OSBPL3: variants seen among roughly 807,000 people sequenced by gnomAD.
The protein encoded by OSBPL3 is oxysterol binding protein like 3.
Under a neutral mutation model 120.1 loss-of-function variants are expected in OSBPL3, and 65 were observed. The ratio of observed to expected loss-of-function variants is 0.54; its 90% confidence interval spans 0.44 to 0.67. OSBPL3 has a LOEUF of 0.67. OSBPL3 is among the 30% of genes least tolerant of loss of function. The pLI is 0.00. For synonymous variants in OSBPL3, 416 were observed against 402.6 expected (o/e 1.03, Z -0.40); for missense variants, 1,004 against 1,082.1 (o/e 0.93, Z 1.01).
rs1455190610 is a variant in OSBPL3 at position 24,862,679 on chromosome 7, G to A, written c.870+521C>T. ...TGGCCTGTGGCTTAGCTGTGCATTG[G>A]GAAAGCTCCTAGCATGACACAGTGA... On this transcript the variant is annotated intron_variant, in intron 9 of 22. Coordinates refer to ENST00000313367, the MANE Select transcript of OSBPL3 (RefSeq NM_015550.4). The surrounding 1 kb of genome is among the most constrained non-coding windows in gnomAD (Gnocchi z 4.4). Among the ~76,000 whole-genome samples, 2 of 152,126 alleles carry A rather than the reference G, an allele frequency of 1.3e-5. No individual in the cohort carries two copies. The highest frequency in any genetic ancestry group is 1.3e-4 in the Admixed American group (2 of 15,284).
intron 1 of OSBPL3, among the ~76,000 whole-genome samples, chr7:24,911,987 C>G (rs948692477): frequency 1.3e-5 from 2 of 152,192 alleles, no homozygotes; most frequent in Non-Finnish European, 2.9e-5. Context: ...TTATTTTATT[C>G]TCTCCAGTAG....
intron 16 of OSBPL3, among the ~76,000 whole-genome samples, chr7:24,823,727 T>C (rs1246586819): frequency 6.6e-6 from 1 of 152,270 alleles, no homozygotes; most frequent in Non-Finnish European, 1.5e-5. Flanking sequence ...CTGCTGTTAA[T>C]GTCTTCTTCG....
intron 1 of OSBPL3, among the ~76,000 whole-genome samples, chr7:24,976,207 T>C (rs1482022709): frequency 6.6e-6 from 1 of 152,310 alleles, no homozygotes; most frequent in East Asian, 1.9e-4. Flanking sequence ...GAGGATTAAA[T>C]GCAATAATGC....
chr7:24,946,317 CAT>C lies in OSBPL3; in HGVS notation c.-150+33567_-150+33568del, dbSNP rs1813725215. ...TACAACCTAGACTACTAAGTTGTCA[CAT>C]AGCGTTATTTTTGCCGTACTTTTAT... On this transcript the variant is annotated intron_variant, in intron 1 of 22. Transcript: ENST00000313367. The surrounding 1 kb of genome is among the most constrained non-coding windows in gnomAD (Gnocchi z 4.3). 6.6e-6 allele frequency among the ~76,000 whole-genome samples: 1 copy of C among 152,176 alleles called. No homozygotes were observed. The highest frequency in any genetic ancestry group is 1.5e-5 in the Non-Finnish European group (1 of 68,030).
chr7:24,834,480 C>A lies in OSBPL3; in HGVS notation c.1746+6G>T, dbSNP rs1259373434. ...GGACAGTGGCAAGGGAAGGCTGACTCCTCACCATCCTTTCCAGGGGGCTGG... is the reference window on the plus strand; with the variant it reads ...GGACAGTGGCAAGGGAAGGCTGACTACTCACCATCCTTTCCAGGGGGCTGG... On this transcript the variant is annotated splice_donor_region_variant and intron_variant, in intron 15 of 22. Coordinates refer to ENST00000313367, the MANE Select transcript of OSBPL3 (RefSeq NM_015550.4). The surrounding 1 kb of genome is among the most constrained non-coding windows in gnomAD (Gnocchi z 5.2). The A allele has an allele frequency of 1.9e-6, 3 of 1,605,534 alleles. No homozygotes were observed. The highest frequency in any genetic ancestry group is 2.6e-6 in the Non-Finnish European group (3 of 1,175,142).
chr7:24,974,364 G>C lies in OSBPL3; in HGVS notation c.-150+5522C>G, dbSNP rs77762309. ...AACAGTTCGTTTGTTCAAATCAGTA[G>C]GTAAACCATCAACTATGAGGACCTC... is the stretch of plus-strand genomic sequence containing the variant. On this transcript the variant is annotated intron_variant, in intron 1 of 22. Transcript: ENST00000313367. 1.1e-3 allele frequency among the ~76,000 whole-genome samples: 160 copies of C among 152,274 alleles called. 3 individuals are homozygous for C. In the East Asian group the frequency reaches 0.028, roughly 27 times the overall value.
intron 1 of OSBPL3, among the ~76,000 whole-genome samples, chr7:24,954,691 G>T (rs1198464118): frequency 1.3e-5 from 2 of 152,124 alleles, no homozygotes; most frequent in Non-Finnish European, 2.9e-5. Flanking sequence ...ACGTTGAAAA[G>T]AATTAAAGAT....
chr7:24,915,638 A>G (rs1486852736), intron 1 of OSBPL3, among the ~76,000 whole-genome samples: 4 of 151,668 alleles, frequency 2.6e-5, no homozygotes, highest in African/African-American at 4.8e-5. Flanking sequence ...CAGTGGTACA[A>G]TCTTGGCTCA....
At position 24,811,097 on chromosome 7, in the gene OSBPL3, A is replaced by G. The variant is rs143895282; in HGVS notation, c.2173-1146T>C. 1.7e-3 allele frequency among the ~76,000 whole-genome samples: 262 copies of G among 152,252 alleles called. 6 individuals carry two copies. In the East Asian group the frequency reaches 0.039, roughly 23 times the overall value. Reference sequence around the variant, plus strand: ...ATTCCATTTCTAATTGTTTTTAGGAACTTCCATTCTGTTTTCCATAATAGC... The same window carrying G: ...ATTCCATTTCTAATTGTTTTTAGGAGCTTCCATTCTGTTTTCCATAATAGC... On this transcript the variant is annotated intron_variant, in intron 19 of 22. Coordinates refer to ENST00000313367, the MANE Select transcript of OSBPL3 (RefSeq NM_015550.4).
Position 24,865,429 on chromosome 7 carries a change from C to T in OSBPL3, c.586G>A (p.Gly196Arg), listed in dbSNP as rs1321541320. The change falls in exon 7 of 23, where the codon GGA becomes AGA. Residue 196 changes from glycine (G) to arginine (R), a missense_variant. Transcript: ENST00000313367. ...SISKQNLFQT[G>R]SNVSFSCGGE... The stretch of plus-strand genomic sequence containing the variant: ...CCACAAGAAAATGATACATTGCTTC[C>T]AGTTTGAAATAAATTCTGCTTTGAT... 6.2e-7 allele frequency: 1 copy of T among 1,613,492 alleles called. No individual in the cohort carries two copies. Among genetic ancestry groups the T allele is most frequent in the Admixed American group, 1.7e-5 (1 of 60,024 alleles).
In OSBPL3 at chr7:24,872,295, T is replaced by C. The variant is rs561969085; in HGVS notation, c.97-226A>G. On this transcript the variant is annotated intron_variant, in intron 2 of 22. Coordinates refer to ENST00000313367, the MANE Select transcript of OSBPL3 (RefSeq NM_015550.4). This position sits in a 1 kb window ranked among gnomAD's most constrained non-coding sequence, Gnocchi z 4.1. ...GGTTTTTTTAAAGCTCTTTTTTTTT[T>C]AGAAGGGAATGTTTCTTTCGGTGTT... Among the ~76,000 whole-genome samples, 7 of 152,122 alleles carry C rather than the reference T, an allele frequency of 4.6e-5. No individual in the cohort carries two copies. In the East Asian group the frequency reaches 1.2e-3, roughly 25 times the overall value.
chr7:24,927,829 T>C (rs79269711), intron 1 of OSBPL3, among the ~76,000 whole-genome samples: 5,397 of 152,260 alleles, frequency 0.035, 125 homozygotes, highest in Non-Finnish European at 0.055. Flanking sequence ...TATCTCTTTT[T>C]GTAAAGAAAA....
intron 1 of OSBPL3, among the ~76,000 whole-genome samples, chr7:24,960,299 A>T (rs1584738930): frequency 6.6e-6 from 1 of 152,334 alleles, no homozygotes; most frequent in Admixed American, 6.5e-5. Context: ...ATACAAAGGC[A>T]TGCCCCGCTA....
chr7:24,962,837 G>A (rs1815942860), intron 1 of OSBPL3, among the ~76,000 whole-genome samples: 1 of 152,176 alleles, frequency 6.6e-6, no homozygotes, highest in Non-Finnish European at 1.5e-5. Flanking sequence ...TATGCTGGAT[G>A]AGTTTCTGTC....
At chr7:24,880,421 CT>C (rs1803508575) in intron 2 of OSBPL3, among the ~76,000 whole-genome samples, 1 of 152,134 alleles carries the variant, frequency 6.6e-6, no homozygotes, top group South Asian at 2.1e-4. Context: ...TCTCACCCCC[CT>C]ACTCTCTCCC....
In OSBPL3 at chr7:24,955,862, A is replaced by T. The variant is rs978043288; in HGVS notation, c.-150+24024T>A. 6.6e-6 allele frequency among the ~76,000 whole-genome samples: 1 copy of T among 152,254 alleles called. No individual in the cohort carries two copies. The highest frequency in any genetic ancestry group is 1.5e-5 in the Non-Finnish European group (1 of 68,042). On this transcript the variant is annotated intron_variant, in intron 1 of 22. Transcript: ENST00000313367. The surrounding 1 kb of genome is among the most constrained non-coding windows in gnomAD (Gnocchi z 4.3). ...GAATGTTTTTTAAAAACATACAATC[A>T]TTGAGCTTCTTCAGCACAGCCACTG...
chr7:24,957,304 A>G (rs1815187049), intron 1 of OSBPL3, among the ~76,000 whole-genome samples: 1 of 152,162 alleles, frequency 6.6e-6, no homozygotes, highest in African/African-American at 2.4e-5. Context: ...ACAGGATTAC[A>G]GTTCCAAATG....
intron 1 of OSBPL3, among the ~76,000 whole-genome samples, chr7:24,949,428 T>C (rs1814121062): frequency 6.6e-6 from 1 of 152,234 alleles, no homozygotes; most frequent in South Asian, 2.1e-4. Flanking sequence ...GGTACATAAA[T>C]TAATGGGGGA....
In OSBPL3 at chr7:24,939,805, A is replaced by G. The variant is rs183845754; in HGVS notation, c.-150+40081T>C. ...TTCAGTCACTGAGAAGGGGGAAAAAATCAGTAACAGGGGGCTATAACTAAA... is the reference window on the plus strand; with the variant it reads ...TTCAGTCACTGAGAAGGGGGAAAAAGTCAGTAACAGGGGGCTATAACTAAA... On this transcript the variant is annotated intron_variant, in intron 1 of 22. Coordinates refer to ENST00000313367, the MANE Select transcript of OSBPL3 (RefSeq NM_015550.4). This position sits in a 1 kb window ranked among gnomAD's most constrained non-coding sequence, Gnocchi z 4.2. Among the ~76,000 whole-genome samples the G allele has an allele frequency of 3.3e-5, 5 of 152,280 alleles. No homozygotes were observed. The highest frequency in any genetic ancestry group is 3.3e-4 in the Admixed American group (5 of 15,302).
Sources: gnomAD v4.1 joint callset for allele counts (sites outside exome capture counted in the v4.1 genomes callset) on GRCh38, gnomAD v4.1.1 for gene constraint, Gnocchi (gnomAD v3.1) non-coding constraint, MANE v1.5 for transcripts, NCBI Gene and HGNC (gene_info 2026-07-23, HGNC 2026-07-21) for gene names.